Variants in CEP170 observed in about 807,000 individuals in gnomAD.
The protein encoded by CEP170 is centrosomal protein of 170 kDa.
A neutral mutation model predicts 151.9 loss-of-function variants in CEP170; 21 were observed. The observed-to-expected ratio is 0.14, with a 90% confidence interval of 0.10 to 0.20. CEP170 has a LOEUF of 0.20. CEP170 is among the 10% of genes least tolerant of loss of function. The pLI, the probability that CEP170 is intolerant of heterozygous loss-of-function variation, is 1.00. For synonymous variants in CEP170, 356 were observed against 648.8 expected (o/e 0.55, Z 6.86); for missense variants, 964 against 1,892.9 (o/e 0.51, Z 9.11).
At chr1:243,225,966 C>CATAT (rs1299553527) in intron 1 of CEP170, among the ~76,000 whole-genome samples, 2 of 145,250 alleles carry the variant, frequency 1.4e-5, no homozygotes, top group Non-Finnish European at 3.1e-5. Context: ...ATGGGCAATA[C>CATAT]ATATCTATCT....
intron 2 of CEP170, among the ~76,000 whole-genome samples, chr1:243,223,422 A>AGTGTGT (rs1159312362): frequency 1.3e-5 from 2 of 152,240 alleles, no homozygotes. Flanking sequence ...CTTTCGAAGG[A>AGTGTGT]GTGTGATAAA....
At chr1:243,188,387 T>A (rs1433640862) in intron 8 of CEP170, among the ~76,000 whole-genome samples, 4 of 152,230 alleles carry the variant, frequency 2.6e-5, no homozygotes, top group Non-Finnish European at 5.9e-5. Context: ...AAACTTTTCT[T>A]ATAAATTAGT....
In CEP170 at chr1:243,165,878, A is replaced by G; in HGVS notation, c.2082T>C (p.Ala694=). The part of the protein sequence containing the change: ...TQVYQKDKQD[A]DRPLSKMNRA... ...TGTTCATTTTACTCAAGGGTCTGTC[A>G]GCATCTTGTTTATCTTTCTGGTATA... The change falls in exon 13 of 20, where the codon GCT becomes GCC. Residue 694 remains alanine (A), a synonymous_variant. Transcript: ENST00000366542. 1.2e-6 allele frequency: 2 copies of G among 1,613,892 alleles called. No individual in the cohort carries two copies. The highest frequency in any genetic ancestry group is 1.7e-6 in the Non-Finnish European group (2 of 1,179,812).
intron 10 of CEP170, among the ~76,000 whole-genome samples, chr1:243,176,283 C>A (rs1296647306): frequency 2.6e-4 from 39 of 151,982 alleles, no homozygotes; most frequent in Non-Finnish European, 5.3e-4. Context: ...GCTTGCACCC[C>A]AAGTTTGCCA....
At chr1:243,252,182 C>A (rs190064990) in intron 1 of CEP170, among the ~76,000 whole-genome samples, 1 of 152,150 alleles carries the variant, frequency 6.6e-6, no homozygotes, top group Non-Finnish European at 1.5e-5. Flanking sequence ...TCAAATGGCA[C>A]GTAACTGCTC....
At chr1:243,195,927 T>C (rs997700266) in intron 7 of CEP170, among the ~76,000 whole-genome samples, 1 of 151,932 alleles carries the variant, frequency 6.6e-6, no homozygotes, top group Non-Finnish European at 1.5e-5. Flanking sequence ...CAGCTGTATC[T>C]GACAGGGCAC....
At chr1:243,221,697 A>C (rs780060066) in intron 3 of CEP170, 27 bp downstream of exon 3, 2 of 1,581,220 alleles carry the variant, frequency 1.3e-6, no homozygotes, top group African/African-American at 1.4e-5. Flanking sequence ...ATGTTCAAAC[A>C]AGACAAAAAA....
chr1:243,252,482 T>C (rs573359553), intron 1 of CEP170, among the ~76,000 whole-genome samples: 1 of 152,276 alleles, frequency 6.6e-6, no homozygotes, highest in East Asian at 1.9e-4. Flanking sequence ...ATAAAACTAG[T>C]TCTTTTTTTC....
chr1:243,188,070 CAGAT>C (rs1166539197), intron 8 of CEP170, among the ~76,000 whole-genome samples: 2 of 152,020 alleles, frequency 1.3e-5, no homozygotes, highest in South Asian at 2.1e-4. Flanking sequence ...CTAGGAATAA[CAGAT>C]AGCAGATGAA....
At chr1:243,240,633 ATTTT>A (rs71736622) in intron 1 of CEP170, among the ~76,000 whole-genome samples, 1 of 134,060 alleles carries the variant, frequency 7.5e-6, no homozygotes, top group Admixed American at 7.4e-5. Context: ...GGGTATCTGT[ATTTT>A]TTTTTTTTTT....
Position 243,183,184 on chromosome 1 carries a change from GAC to G in CEP170, c.1566+2593_1566+2594del, listed in dbSNP as rs542230886. Among the ~76,000 whole-genome samples, 573 of 152,188 alleles carry G rather than the reference GAC, an allele frequency of 3.8e-3. 1 individual carries two copies. The highest frequency in any genetic ancestry group is 6.8e-3 in the Middle Eastern group (2 of 294). On this transcript the variant is annotated intron_variant, in intron 10 of 19. Coordinates refer to ENST00000366542, the MANE Select transcript of CEP170 (RefSeq NM_014812.3). Reference sequence around the variant, plus strand: ...TTTCATTGTGAATCACCTTCTCGTAGACACAAAGCCTGGCACATAGTTAATGT... The same window carrying G: ...TTTCATTGTGAATCACCTTCTCGTAGACAAAGCCTGGCACATAGTTAATGT...
At chr1:243,199,806 T>G (rs2060904984) in intron 6 of CEP170, among the ~76,000 whole-genome samples, 1 of 151,896 alleles carries the variant, frequency 6.6e-6, no homozygotes, top group Non-Finnish European at 1.5e-5. Flanking sequence ...GTAAGGCATT[T>G]TATAACGTGC....
rs368029383 is a variant in CEP170, at chr1:243,169,535, T to C, written c.1843+93A>G. ...TTTTATAATAACAACTGATATATGA[T>C]TCACAAAAAAGCAGAGAAGAGTAAG... On this transcript the variant is annotated intron_variant, in intron 12 of 19. Coordinates refer to ENST00000366542, the MANE Select transcript of CEP170 (RefSeq NM_014812.3). 466 of 1,485,388 alleles carry C rather than the reference T, an allele frequency of 3.1e-4. 1 individual carries two copies. In the East Asian group the frequency reaches 6.7e-3, roughly 21 times the overall value. 92.0% of individuals were successfully genotyped at this position (1,485,388 alleles called of 1,614,324 possible).
chr1:243,208,058 G>C (rs1410269479), intron 4 of CEP170, among the ~76,000 whole-genome samples: 1 of 151,930 alleles, frequency 6.6e-6, no homozygotes, highest in Non-Finnish European at 1.5e-5. Flanking sequence ...TTATTAAAAG[G>C]ATGCCTTCCT....
intron 1 of CEP170, among the ~76,000 whole-genome samples, chr1:243,243,448 A>C (rs1188841518): frequency 6.6e-6 from 1 of 152,164 alleles, no homozygotes; most frequent in African/African-American, 2.4e-5. Flanking sequence ...AGCTTCCCTA[A>C]ATAGCTCTTT....
intron 14 of CEP170, 117 bp downstream of exon 14, chr1:243,156,104 T>C (rs1376819374): frequency 2.3e-6 from 3 of 1,298,708 alleles, no homozygotes; most frequent in Admixed American, 2.8e-5. Context: ...TTCACAGTTA[T>C]CTGTGGATTT....
intron 3 of CEP170, among the ~76,000 whole-genome samples, chr1:243,212,403 A>G (rs892309242): frequency 6.6e-6 from 1 of 152,202 alleles, no homozygotes; most frequent in African/African-American, 2.4e-5. Flanking sequence ...GAAGAAGAAG[A>G]AAATTTACTT....
chr1:243,161,238 G>C (rs548502060), intron 13 of CEP170, among the ~76,000 whole-genome samples: 3 of 151,696 alleles, frequency 2.0e-5, no homozygotes, highest in Non-Finnish European at 4.4e-5. Context: ...AGGAGGCAGA[G>C]GTTGCAGTAA....
chr1:243,221,962 C>T (rs1173813670), intron 2 of CEP170, 149 bp from the exon 3 acceptor site: 3 of 588,728 alleles, frequency 5.1e-6, no homozygotes, highest in Non-Finnish European at 8.2e-6. Context: ...AACGGTGCCA[C>T]TATACAACAA....
Sources: allele counts gnomAD v4.1 joint callset (sites outside exome capture counted in the v4.1 genomes callset), GRCh38; gene constraint gnomAD v4.1.1; transcripts MANE v1.5; gene names NCBI Gene and HGNC (gene_info 2026-07-23, HGNC 2026-07-21).